Variants in MGAT4C observed in about 807,000 individuals in gnomAD.
MGAT4C encodes MGAT4 family member C.
A neutral mutation model predicts 40.1 loss-of-function variants in MGAT4C; 19 were observed. The observed-to-expected ratio is 0.47, with a 90% CI of 0.33 to 0.70. MGAT4C has a LOEUF of 0.70. Ranked by LOEUF, MGAT4C falls within the 30% of genes least tolerant of loss-of-function variation. The probability of loss-of-function intolerance (pLI) is 0.02; values close to 1 mark genes in which losing one functional copy is unlikely to be tolerated. For synonymous variants in MGAT4C, 181 were observed against 187.1 expected, an observed-to-expected ratio of 0.97 and a Z score of 0.27; for missense variants, 491 against 563.2, an observed-to-expected ratio of 0.87 and a Z score of 1.30.
intron 1 of MGAT4C, among the ~76,000 whole-genome samples, chr12:86,820,435 G>A (rs1178223639): frequency 6.6e-6 from 1 of 150,652 alleles, no homozygotes; most frequent in South Asian, 2.1e-4. Flanking sequence ...TTTAACTTTC[G>A]ATTGACTTAT....
chr12:86,663,266 G>A lies in MGAT4C; in HGVS notation c.-229+63943C>T, dbSNP rs75711929. On this transcript the variant is annotated intron_variant, in intron 2 of 7. Coordinates refer to the MGAT4C transcript ENST00000548651. ...TCCCAGACACTTAGGAGGGTGAGGT[G>A]GGAGGATTACCTGAGCCCTGGAGTT... 2.5e-3 allele frequency among the ~76,000 whole-genome samples: 370 copies of A among 149,782 alleles called. 15 individuals carry two copies. In the East Asian group the frequency reaches 0.065, roughly 26 times the overall value.
chr12:85,999,645 A>G (rs1283474232), intron 2 of MGAT4C, among the ~76,000 whole-genome samples: 1 of 151,726 alleles, frequency 6.6e-6, no homozygotes, highest in Non-Finnish European at 1.5e-5. Flanking sequence ...CATAAAATAG[A>G]ATGAATACTA....
At position 86,286,634 on chromosome 12, in the gene MGAT4C, T is replaced by C. The variant is rs952551529; in HGVS notation, c.-57+47431A>G. Among the ~76,000 whole-genome samples, 27 of 152,232 alleles carry C rather than the reference T, an allele frequency of 1.8e-4. No individual in the cohort carries two copies. In the East Asian group the frequency reaches 5.2e-3, roughly 29 times the overall value. ...CAGGGGAACATGTGCAGGTGTGCTA[T>C]ATTGGTAAATTGTGTGCTGCAGGGG... On this transcript the variant is annotated intron_variant, in intron 4 of 7. Coordinates refer to the MGAT4C transcript ENST00000548651.
At chr12:86,359,123 C>T (rs752236528) in intron 3 of MGAT4C, among the ~76,000 whole-genome samples, 1 of 152,210 alleles carries the variant, frequency 6.6e-6, no homozygotes, top group East Asian at 1.9e-4. Flanking sequence ...TCACAACAAA[C>T]TGTCTTTCAG....
chr12:85,989,400 C>T lies in MGAT4C; in HGVS notation c.147G>A (p.Leu49=). Residue 49 remains leucine (L), a splice_region_variant and synonymous_variant, in exon 3 of 5, where the codon CTG becomes CTA. Transcript: ENST00000611864. ...MNLYIEDSYV[L]EGDKQLIRET... Reference sequence around the variant, plus strand: ...AAGACAATCAACCTCCCAAACTTACCAGAACATAGCTATCTTCAATGTACA... The same window carrying T: ...AAGACAATCAACCTCCCAAACTTACTAGAACATAGCTATCTTCAATGTACA... 6.4e-7 allele frequency: 1 copy of T among 1,572,600 alleles called. No individual in the cohort carries two copies. The highest frequency in any genetic ancestry group is 8.6e-7 in the Non-Finnish European group (1 of 1,162,096).
At chr12:86,627,659 T>C (rs1962865663) in intron 2 of MGAT4C, among the ~76,000 whole-genome samples, 1 of 152,036 alleles carries the variant, frequency 6.6e-6, no homozygotes, top group African/African-American at 2.4e-5. Context: ...GACCTGACTG[T>C]TAGGAGGAAA....
At position 85,971,210 on chromosome 12, in the gene MGAT4C, AAAT is replaced by A. The variant is rs1468925027; in HGVS notation, c.*8076_*8078del. Reference sequence around the variant, plus strand: ...AATTTCACTTTCTTCTTATAAAAGAAAATAATTTTTATGGTAACTAATTTTAGT... The same window carrying A: ...AATTTCACTTTCTTCTTATAAAAGAAAATTTTTATGGTAACTAATTTTAGT... On this transcript the variant is annotated 3_prime_UTR_variant, in exon 5 of 5. Coordinates refer to ENST00000611864, the MANE Select transcript of MGAT4C (RefSeq NM_001351288.2). 1 of 151,296 alleles carries A rather than the reference AAAT, an allele frequency of 6.6e-6. No individual in the cohort carries two copies. The highest frequency in any genetic ancestry group is 1.5e-5 in the Non-Finnish European group (1 of 67,424). The allele number at this position is 151,296 out of a possible 1,614,324, so 9.4% of individuals were successfully genotyped here.
At chr12:86,714,718 A>G (rs1323978780) in intron 2 of MGAT4C, among the ~76,000 whole-genome samples, 1 of 151,632 alleles carries the variant, frequency 6.6e-6, no homozygotes, top group Non-Finnish European at 1.5e-5. Context: ...TGTCTTTATC[A>G]GTAGTGTGAA....
intron 3 of MGAT4C, among the ~76,000 whole-genome samples, chr12:86,410,774 A>T (rs1956587796): frequency 6.6e-6 from 1 of 152,218 alleles, no homozygotes. Context: ...ATTGCAGTAA[A>T]GACAGGCGTA....
At chr12:86,457,614 G>A (rs1427472143) in intron 2 of MGAT4C, among the ~76,000 whole-genome samples, 3 of 151,946 alleles carry the variant, frequency 2.0e-5, no homozygotes, top group Non-Finnish European at 2.9e-5. Flanking sequence ...ATATAGTTTA[G>A]CTGAAATGTC....
chr12:86,418,376 G>A (rs552579334), intron 3 of MGAT4C, among the ~76,000 whole-genome samples: 1 of 152,214 alleles, frequency 6.6e-6, no homozygotes, highest in Non-Finnish European at 1.5e-5. Flanking sequence ...GCCGAGATGT[G>A]CAAATCCCTT....
chr12:86,447,146 A>G (rs1366723050), intron 2 of MGAT4C, among the ~76,000 whole-genome samples: 1 of 152,028 alleles, frequency 6.6e-6, no homozygotes, highest in Non-Finnish European at 1.5e-5. Flanking sequence ...TTGTTTTGAG[A>G]TGGAATTTCA....
At chr12:86,009,791 C>T (rs146513316) in intron 2 of MGAT4C, among the ~76,000 whole-genome samples, 61 of 152,174 alleles carry the variant, frequency 4.0e-4, no homozygotes, top group African/African-American at 1.2e-3. Flanking sequence ...TCTTGAAAAA[C>T]GTTGCTCCAT....
chr12:86,018,925 GACAGTAA>G (rs1483755851), intron 2 of MGAT4C, among the ~76,000 whole-genome samples: 3 of 152,052 alleles, frequency 2.0e-5, no homozygotes, highest in Non-Finnish European at 4.4e-5. Context: ...ATTGGGAAGA[GACAGTAA>G]ACTCTTCCAA....
At chr12:86,254,191 T>C (rs564259823) in intron 1 of MGAT4C, among the ~76,000 whole-genome samples, 1 of 152,122 alleles carries the variant, frequency 6.6e-6, no homozygotes, top group African/African-American at 2.4e-5. Flanking sequence ...ATTGCTATGA[T>C]ATCATTGATG....
intron 2 of MGAT4C, among the ~76,000 whole-genome samples, chr12:86,671,917 G>A (rs1165520158): frequency 2.6e-5 from 4 of 152,002 alleles, no homozygotes; most frequent in Non-Finnish European, 1.5e-5. Context: ...CCAAAAAATG[G>A]AAATTAACTT....
intron 2 of MGAT4C, among the ~76,000 whole-genome samples, chr12:86,563,265 C>T (rs1052110215): frequency 6.6e-6 from 1 of 152,132 alleles, no homozygotes; most frequent in Non-Finnish European, 1.5e-5. Context: ...GTGGCAGGAG[C>T]CAACTGGTGA....
At chr12:86,405,302 T>C (rs1161607805) in intron 3 of MGAT4C, among the ~76,000 whole-genome samples, 1 of 151,810 alleles carries the variant, frequency 6.6e-6, no homozygotes, top group Non-Finnish European at 1.5e-5. Context: ...TACAGAACAG[T>C]CAATAAACAG....
chr12:86,227,019 C>A (rs1231346168), intron 1 of MGAT4C, among the ~76,000 whole-genome samples: 1 of 151,848 alleles, frequency 6.6e-6, no homozygotes, highest in Non-Finnish European at 1.5e-5. Flanking sequence ...GAACTTTAAA[C>A]TTCATTGCAA....
Sources: allele counts gnomAD v4.1 joint callset (sites outside exome capture counted in the v4.1 genomes callset), GRCh38; gene constraint gnomAD v4.1.1; transcripts MANE v1.5; gene names NCBI Gene and HGNC (gene_info 2026-07-23, HGNC 2026-07-21).